The following PIEZO2 variants were observed in gnomAD, a reference collection of about 807,000 sequenced individuals.
The protein encoded by PIEZO2 is piezo-type mechanosensitive ion channel component 2.
PIEZO2 carries 172 observed loss-of-function variants against 337.3 expected under a neutral mutation model. The observed-to-expected ratio is 0.51, with a 90% CI of 0.45 to 0.58. The LOEUF (loss-of-function observed/expected upper bound fraction) is 0.58, where lower values mean the gene tolerates loss of function less well. PIEZO2 is among the 20% of genes least tolerant of loss of function. The pLI is 0.00. For missense variants in PIEZO2, 3,028 were observed against 3,391.3 expected, an observed-to-expected ratio of 0.89 and a Z score of 2.66; for synonymous variants, 1,251 against 1,228.5, an observed-to-expected ratio of 1.02 and a Z score of -0.38.
chr18:10,711,303 T>C (rs1378064676), intron 39 of PIEZO2, among the ~76,000 whole-genome samples: 1 of 152,252 alleles, frequency 6.6e-6, no homozygotes, highest in East Asian at 1.9e-4. Flanking sequence ...GTTTATTTTA[T>C]GAAAAATTTA....
At position 10,879,526 on chromosome 18, in the gene PIEZO2, G is replaced by T. The variant is rs940680486; in HGVS notation, c.330-8111C>A. On this transcript the variant is annotated intron_variant, in intron 4 of 55. Transcript: ENST00000674853. ...TTCTGCTGCCTCAGCCTCCTGAGTA[G>T]CTAGGACTACAGGCACCCGCCACCA... is the stretch of plus-strand genomic sequence containing the variant. Among the ~76,000 whole-genome samples the T allele has an allele frequency of 2.0e-5, 3 of 150,862 alleles. No individual in the cohort carries two copies. The South Asian group carries it at 6.3e-4, about 31-fold the overall frequency.
At chr18:10,698,849 C>T (rs2035211701) in intron 44 of PIEZO2, 76 bp downstream of exon 44, 1 of 1,510,190 alleles carries the variant, frequency 6.6e-7, no homozygotes, top group Non-Finnish European at 8.8e-7. Context: ...CTCCCTTGCC[C>T]CAGACCCACA....
At chr18:10,802,103 AAAAG>A (rs1400946011) in intron 9 of PIEZO2, among the ~76,000 whole-genome samples, 5 of 150,662 alleles carry the variant, frequency 3.3e-5, no homozygotes, top group Non-Finnish European at 5.9e-5. Context: ...AAAAAAAAAA[AAAAG>A]AAAGAAAAGA....
chr18:10,918,003 G>T (rs1300776464), intron 3 of PIEZO2, among the ~76,000 whole-genome samples: 1 of 152,146 alleles, frequency 6.6e-6, no homozygotes, highest in Non-Finnish European at 1.5e-5. Context: ...GAGAAAAATA[G>T]ATTTTTCCTC....
In PIEZO2 at chr18:11,125,111, C is replaced by T. The variant is rs760579786; in HGVS notation, c.64+23414G>A. 1.3e-5 allele frequency among the ~76,000 whole-genome samples: 2 copies of T among 151,870 alleles called. No homozygotes were observed. Among genetic ancestry groups the T allele is most frequent in the Non-Finnish European group, 2.9e-5 (2 of 68,018 alleles). Reference sequence around the variant, plus strand: ...TCACATGTAAAATCTAGAGTCATACCCATTTCACAGAGCATTTGCAAATAT... The same window carrying T: ...TCACATGTAAAATCTAGAGTCATACTCATTTCACAGAGCATTTGCAAATAT... On this transcript the variant is annotated intron_variant, in intron 1 of 55. Coordinates refer to ENST00000674853, the MANE Select transcript of PIEZO2 (RefSeq NM_001378183.1). The surrounding 1 kb of genome is among the most constrained non-coding windows in gnomAD (Gnocchi z 4.4).
intron 1 of PIEZO2, among the ~76,000 whole-genome samples, chr18:11,074,630 G>A (rs2038465591): frequency 1.3e-5 from 2 of 152,194 alleles, no homozygotes; most frequent in African/African-American, 4.8e-5. Context: ...AAAGATGAAA[G>A]ATGGTGTGCA....
At chr18:10,908,264 G>A (rs994260797) in intron 4 of PIEZO2, 5 of 152,196 alleles carry the variant, frequency 3.3e-5, no homozygotes, top group African/African-American at 7.2e-5. Flanking sequence ...AACAGAAAGC[G>A]TCTTTGCTTT....
At chr18:10,976,775 G>A (rs558927350) in intron 3 of PIEZO2, among the ~76,000 whole-genome samples, 4 of 152,242 alleles carry the variant, frequency 2.6e-5, no homozygotes, top group South Asian at 2.1e-4. Context: ...ATTTAGGAGC[G>A]AGGTTAGGAG....
In PIEZO2 at chr18:11,080,802, C is replaced by T. The variant is rs1470065777; in HGVS notation, c.65-14580G>A. On this transcript the variant is annotated intron_variant, in intron 1 of 55. Transcript: ENST00000674853. This position sits in a 1 kb window ranked among gnomAD's most constrained non-coding sequence, Gnocchi z 5.4. ...GAGGTCACGGTGAGCCAAGATGGTG[C>T]CACTGCACCCCAGCCTGGCGACAGA... Among the ~76,000 whole-genome samples, 1 of 152,142 alleles carries T rather than the reference C, an allele frequency of 6.6e-6. No individual in the cohort carries two copies. Among genetic ancestry groups the T allele is most frequent in the African/African-American group, 2.4e-5 (1 of 41,436 alleles).
At position 11,092,399 on chromosome 18, in the gene PIEZO2, G is replaced by A. The variant is rs997934618; in HGVS notation, c.65-26177C>T. Among the ~76,000 whole-genome samples the A allele has an allele frequency of 1.3e-5, 2 of 152,184 alleles. No homozygotes were observed. Among genetic ancestry groups the A allele is most frequent in the African/African-American group, 4.8e-5 (2 of 41,448 alleles). ...ATGTGATTCAATTTTATTAAGATAT[G>A]TGAAATGATATCTCATATTTGTTTG... On this transcript the variant is annotated intron_variant, in intron 1 of 55. Coordinates refer to ENST00000674853, the MANE Select transcript of PIEZO2 (RefSeq NM_001378183.1). This position sits in a 1 kb window ranked among gnomAD's most constrained non-coding sequence, Gnocchi z 4.5.
chr18:11,011,126 G>A (rs1212400553), intron 2 of PIEZO2, among the ~76,000 whole-genome samples: 1 of 152,124 alleles, frequency 6.6e-6, no homozygotes, highest in Non-Finnish European at 1.5e-5. Flanking sequence ...GCCTCCTAAA[G>A]ACTGCAATGG....
intron 11 of PIEZO2, 87 bp downstream of exon 11, chr18:10,800,250 A>G: frequency 1.4e-6 from 2 of 1,460,592 alleles, no homozygotes; most frequent in Admixed American, 5.7e-5. Context: ...TTTTAAAAAA[A>G]TAAAATAAGC....
At position 10,696,190 on chromosome 18, in the gene PIEZO2, C is replaced by T. The variant is rs1567957484; in HGVS notation, c.7074G>A (p.Val2358=). The T allele has an allele frequency of 6.2e-7, 1 of 1,614,000 alleles. No individual in the cohort carries two copies. The change falls in exon 47 of 56, where the codon GTG becomes GTA. Residue 2358 remains valine, a synonymous_variant. Transcript: ENST00000674853. Reference sequence around the variant, plus strand: ...TCCTGAGGTAGAGGGCTCGGTCCACCACCATGGTTCCAAACTGAATGAGGA... The same window carrying T: ...TCCTGAGGTAGAGGGCTCGGTCCACTACCATGGTTCCAAACTGAATGAGGA... ...VMVLIQFGTM[V]VDRALYLRKT...
chr18:11,083,276 A>G lies in PIEZO2; in HGVS notation c.65-17054T>C, dbSNP rs1385471870. On this transcript the variant is annotated intron_variant, in intron 1 of 55. Coordinates refer to ENST00000674853, the MANE Select transcript of PIEZO2 (RefSeq NM_001378183.1). The surrounding 1 kb of genome is among the most constrained non-coding windows in gnomAD (Gnocchi z 4.4). ...CTTCATTTTATGTCCAGCTACTCTAAAAAGCTACTTTGTGGTTCTTTATGA... is the reference window on the plus strand; with the variant it reads ...CTTCATTTTATGTCCAGCTACTCTAGAAAGCTACTTTGTGGTTCTTTATGA... Among the ~76,000 whole-genome samples the G allele has an allele frequency of 6.6e-6, 1 of 152,244 alleles. No homozygotes were observed. The highest frequency in any genetic ancestry group is 1.5e-5 in the Non-Finnish European group (1 of 68,046).
chr18:10,892,991 C>T (rs1361438219), intron 4 of PIEZO2, among the ~76,000 whole-genome samples: 1 of 152,182 alleles, frequency 6.6e-6, no homozygotes, highest in Non-Finnish European at 1.5e-5. Context: ...TTCAACAGAG[C>T]TGCTTCAGTG....
intron 2 of PIEZO2, among the ~76,000 whole-genome samples, chr18:11,013,634 C>A (rs918203735): frequency 6.6e-6 from 1 of 152,178 alleles, no homozygotes; most frequent in African/African-American, 2.4e-5. Flanking sequence ...GATGGACCAG[C>A]CGCTGCTCCT....
intron 1 of PIEZO2, among the ~76,000 whole-genome samples, chr18:11,103,419 T>C (rs531996442): frequency 2.0e-5 from 3 of 152,282 alleles, no homozygotes; most frequent in South Asian, 4.1e-4. Flanking sequence ...TCATAATCCA[T>C]CCAAATGGCC....
intron 3 of PIEZO2, among the ~76,000 whole-genome samples, chr18:10,948,545 G>C (rs2033140845): frequency 1.3e-5 from 2 of 152,140 alleles, no homozygotes; most frequent in Non-Finnish European, 2.9e-5. Flanking sequence ...ATTAGAATGG[G>C]TGTTGAGAGT....
In PIEZO2 at chr18:10,833,205, G is replaced by A. The variant is rs576331952; in HGVS notation, c.917+22148C>T. ...AGTCGTCATGAACATGGCACATGGA[G>A]CATGGTTGAGGGCTCAGAGACAGAA... On this transcript the variant is annotated intron_variant, in intron 7 of 55. Transcript: ENST00000674853. The surrounding 1 kb of genome is among the most constrained non-coding windows in gnomAD (Gnocchi z 4.7). Among the ~76,000 whole-genome samples, 1 of 152,310 alleles carries A rather than the reference G, an allele frequency of 6.6e-6. No individual in the cohort carries two copies. The highest frequency in any genetic ancestry group is 6.5e-5 in the Admixed American group (1 of 15,302).
Sources: allele counts gnomAD v4.1 joint callset (sites outside exome capture counted in the v4.1 genomes callset), GRCh38; gene constraint gnomAD v4.1.1; non-coding constraint Gnocchi (gnomAD v3.1); transcripts MANE v1.5; gene names NCBI Gene and HGNC (gene_info 2026-07-23, HGNC 2026-07-21).